PDS5B: variants seen among roughly 807,000 people sequenced by gnomAD.
PDS5B encodes PDS5 cohesin associated factor B, also known as sister chromatid cohesion protein PDS5 homolog B.
A neutral mutation model predicts 184.1 loss-of-function variants in PDS5B; 51 were observed. The ratio of observed to expected loss-of-function variants is 0.28; its 90% CI spans 0.22 to 0.35. The LOEUF (loss-of-function observed/expected upper bound fraction) is 0.35, where lower values mean the gene tolerates loss of function less well. PDS5B is among the 10% of genes least tolerant of loss of function. The pLI, the probability that PDS5B is intolerant of heterozygous loss-of-function variation, is 1.00. For missense variants in PDS5B, 1,180 were observed against 1,723.3 expected, an observed-to-expected ratio of 0.68 and a Z score of 5.58; for synonymous variants, 566 against 569.2, an observed-to-expected ratio of 0.99 and a Z score of 0.08.
intron 1 of PDS5B, among the ~76,000 whole-genome samples, chr13:32,598,275 A>G (rs778085844): frequency 2.0e-5 from 3 of 151,750 alleles, no homozygotes; most frequent in Admixed American, 6.6e-5. Context: ...GGGTTTCACT[A>G]TGTTGGCCAG....
At chr13:32,647,262 TC>T (rs1408688384) in intron 1 of PDS5B, among the ~76,000 whole-genome samples, 1 of 152,104 alleles carries the variant, frequency 6.6e-6, no homozygotes, top group Admixed American at 6.5e-5. Flanking sequence ...TGTGTTGCAC[TC>T]CGGATAATTT....
At chr13:32,651,733 A>G (rs1555295580) in intron 2 of PDS5B, 71 bp from the exon 3 acceptor site, 2 of 892,124 alleles carry the variant, frequency 2.2e-6, no homozygotes, top group Non-Finnish European at 3.6e-6. Context: ...AGCAATTAAC[A>G]TGACCTTTAT....
rs570418830 is a variant in PDS5B, at chr13:32,775,851, C to G, written c.*799C>G. On this transcript the variant is annotated 3_prime_UTR_variant, in exon 35 of 35. Transcript: ENST00000315596. ...TACTGAATTCTTTATCCCATTTTATCATCCTTTCAGTTTTTATTAATCTAC... is the reference window on the plus strand; with the variant it reads ...TACTGAATTCTTTATCCCATTTTATGATCCTTTCAGTTTTTATTAATCTAC... 6.9e-5 allele frequency: 20 copies of G among 291,766 alleles called. No individual in the cohort carries two copies. The highest frequency in any genetic ancestry group is 4.3e-4 in the African/African-American group (19 of 44,522). 18.1% of individuals were successfully genotyped at this position (291,766 alleles called of 1,614,324 possible).
chr13:32,754,458 C>G (rs942274470), intron 25 of PDS5B, among the ~76,000 whole-genome samples: 1 of 152,156 alleles, frequency 6.6e-6, no homozygotes, highest in Admixed American at 6.6e-5. Flanking sequence ...GTTGTCAACT[C>G]TATCTGGAAA....
intron 1 of PDS5B, among the ~76,000 whole-genome samples, chr13:32,615,324 G>A (rs765202845): frequency 2.6e-5 from 4 of 152,072 alleles, no homozygotes; most frequent in Non-Finnish European, 5.9e-5. Context: ...ATTATTTTCA[G>A]TTACTCATCA....
intron 10 of PDS5B, among the ~76,000 whole-genome samples, chr13:32,679,776 G>A (rs1161460802): frequency 1.3e-5 from 2 of 152,062 alleles, no homozygotes; most frequent in African/African-American, 4.8e-5. Flanking sequence ...CTTGCTCTGA[G>A]CTTCTGCTCT....
chr13:32,724,046 C>G (rs1349850870), intron 19 of PDS5B, among the ~76,000 whole-genome samples: 1 of 152,198 alleles, frequency 6.6e-6, no homozygotes, highest in Non-Finnish European at 1.5e-5. Context: ...GTCGTTTCAT[C>G]TGTATATCTT....
chr13:32,742,800 C>A, intron 23 of PDS5B, 73 bp downstream of exon 23: 1 of 1,311,544 alleles, frequency 7.6e-7, no homozygotes, highest in Non-Finnish European at 1.1e-6. Context: ...TTCAATGGTG[C>A]TGTTTCTTTT....
chr13:32,736,262 TTTTC>T (rs1171957646), intron 21 of PDS5B, among the ~76,000 whole-genome samples: 4 of 152,114 alleles, frequency 2.6e-5, no homozygotes, highest in East Asian at 1.9e-4. Context: ...TATGTAATGA[TTTTC>T]TTTCTATCTA....
chr13:32,734,015 A>ACACACACACACACACACACACACAC (rs1555312887), intron 20 of PDS5B, among the ~76,000 whole-genome samples: 6 of 58,150 alleles, frequency 1.0e-4, no homozygotes, highest in African/African-American at 6.1e-4. Flanking sequence ...CACACACACA[A>ACACACACACACACACACACACACAC]ACATATATTT....
rs775987380 is a variant in PDS5B, at chr13:32,667,749, G to T, written c.625-15G>T. On this transcript the variant is annotated splice_polypyrimidine_tract_variant and intron_variant, in intron 6 of 34. Transcript: ENST00000315596. ...GTTAGAGATATATAATATAGATATT[G>T]TTTATGTTTTTCAGAATTTAAACAA... The T allele has an allele frequency of 2.6e-6, 4 of 1,513,210 alleles. No individual in the cohort carries two copies. The highest frequency in any genetic ancestry group is 3.6e-6 in the Non-Finnish European group (4 of 1,104,334). The allele number at this position is 1,513,210 out of a possible 1,614,324, so 93.7% of individuals were successfully genotyped here.
chr13:32,621,862 A>G (rs2140537897), intron 1 of PDS5B, among the ~76,000 whole-genome samples: 1 of 152,330 alleles, frequency 6.6e-6, no homozygotes, highest in South Asian at 2.1e-4. Flanking sequence ...GTTATGACAG[A>G]AGGTATGAGC....
intron 25 of PDS5B, 128 bp downstream of exon 25, chr13:32,753,664 C>A: frequency 1.7e-6 from 1 of 589,402 alleles, no homozygotes; most frequent in Non-Finnish European, 2.9e-6. Flanking sequence ...TACCATTTTT[C>A]AATAACTGCT....
At chr13:32,696,741 A>G in intron 14 of PDS5B, 113 bp from the exon 15 acceptor site, 2 of 707,226 alleles carry the variant, frequency 2.8e-6, no homozygotes, top group Non-Finnish European at 2.5e-6. Flanking sequence ...AGTAGTGGTA[A>G]GAGCATGGGT....
At chr13:32,732,495 G>A (rs561656226) in intron 20 of PDS5B, among the ~76,000 whole-genome samples, 7 of 152,110 alleles carry the variant, frequency 4.6e-5, no homozygotes, top group Admixed American at 4.6e-4. Flanking sequence ...TTGTTAACAG[G>A]TAATTACATA....
At chr13:32,699,997 CTA>C (rs1490135789) in intron 16 of PDS5B, 128 bp downstream of exon 16, 5 of 817,824 alleles carry the variant, frequency 6.1e-6, no homozygotes, top group Non-Finnish European at 7.2e-6. Context: ...TGCAGATAAA[CTA>C]TAATTTCTCT....
chr13:32,681,320 GTTTGAAAGAGTGAGGC>G (rs1951232866), intron 10 of PDS5B, among the ~76,000 whole-genome samples: 1 of 152,120 alleles, frequency 6.6e-6, no homozygotes, highest in Non-Finnish European at 1.5e-5. Context: ...CCTTGCTTTT[GTTTGAAAGAGTGAGGC>G]TTGAGGCTGG....
chr13:32,625,156 G>T (rs1404756719), intron 1 of PDS5B, among the ~76,000 whole-genome samples: 1 of 151,966 alleles, frequency 6.6e-6, no homozygotes, highest in Non-Finnish European at 1.5e-5. Context: ...TCACTCTGTA[G>T]CCCAGGCTGG....
chr13:32,677,678 CT>C (rs986905908), intron 9 of PDS5B, among the ~76,000 whole-genome samples: 3 of 148,048 alleles, frequency 2.0e-5, no homozygotes, highest in Admixed American at 6.8e-5. Flanking sequence ...AGAGCATATG[CT>C]TTTTTTTTTC....
Sources: gnomAD v4.1 joint callset for allele counts (sites outside exome capture counted in the v4.1 genomes callset) on GRCh38, gnomAD v4.1.1 for gene constraint, MANE v1.5 for transcripts, NCBI Gene and HGNC (gene_info 2026-07-23, HGNC 2026-07-21) for gene names.